The following ASL variants were observed in gnomAD, a reference collection of about 807,000 sequenced individuals.
ASL encodes the protein argininosuccinate lyase, also known as argininosuccinase.
Under a neutral mutation model 69.1 loss-of-function variants are expected in ASL, and 51 were observed. That is an observed-to-expected ratio of 0.74 (90% CI 0.59 to 0.93). The LOEUF (loss-of-function observed/expected upper bound fraction) is 0.93. Among genes scored for constraint, ASL ranks in the 40% least tolerant of loss-of-function variants. The probability of loss-of-function intolerance (pLI) is 0.00; values close to 1 mark genes in which losing one functional copy is unlikely to be tolerated. For synonymous variants in ASL, 241 were observed against 247.6 expected (o/e 0.97, Z 0.25); for missense variants, 540 against 623.9 (o/e 0.87, Z 1.43).
Position 66,083,064 on chromosome 7 carries a change from C to A in ASL, c.349-13C>A, listed in dbSNP as rs754595553. On this transcript the variant is annotated splice_polypyrimidine_tract_variant and intron_variant, in intron 5 of 16. Coordinates refer to ENST00000304874, the MANE Select transcript of ASL (RefSeq NM_000048.4). ...ACATCGGCCTCCCTGAGCACCATCT[C>A]CTCCTTGCACAGGTGGTCACAGACC... 6 of 1,613,794 alleles carry A rather than the reference C, an allele frequency of 3.7e-6. No homozygotes were observed. The South Asian group carries it at 5.5e-5, about 15-fold the overall frequency.
chr7:66,084,449 A>G (rs1385283679), intron 6 of ASL, among the ~76,000 whole-genome samples: 2 of 151,990 alleles, frequency 1.3e-5, no homozygotes, highest in East Asian at 3.9e-4. Flanking sequence ...CCCATAAGCC[A>G]CTGCGCTCAG....
Position 66,087,394 on chromosome 7 carries a change from G to A in ASL, c.655+8G>A, listed in dbSNP as rs200203985. The stretch of plus-strand genomic sequence containing the variant: ...GAGAGCTGCTCCGAGCAGGTGAGAC[G>A]TCCTGCCCCTCCTCCCCAGGGAGAA... On this transcript the variant is annotated splice_region_variant and intron_variant, in intron 9 of 16. Transcript: ENST00000304874. The A allele has an allele frequency of 6.8e-5, 110 of 1,606,946 alleles. No homozygotes were observed. In the African/African-American group the frequency reaches 7.3e-4, roughly 11 times the overall value.
chr7:66,091,996 G>A lies in ASL; in HGVS notation c.1063-10G>A. ...CCCAGGGCTCACCACTCGCCCACCT[G>A]TGCCCCCAGATTCACCAAGAGAACA... On this transcript the variant is annotated splice_polypyrimidine_tract_variant and intron_variant, in intron 14 of 16. Transcript: ENST00000304874. The A allele has an allele frequency of 6.2e-7, 1 of 1,613,318 alleles. No homozygotes were observed. Among genetic ancestry groups the A allele is most frequent in the African/African-American group, 1.3e-5 (1 of 75,048 alleles).
At chr7:66,082,279 C>T (rs1284955827) in intron 3 of ASL, 89 bp from the exon 4 acceptor site, 2 of 1,365,268 alleles carry the variant, frequency 1.5e-6, no homozygotes, top group Admixed American at 3.9e-5. Flanking sequence ...GACAGTCAGT[C>T]ACCAGGGATA....
intron 6 of ASL, among the ~76,000 whole-genome samples, chr7:66,084,644 G>C (rs1308976958): frequency 6.6e-6 from 1 of 151,914 alleles, no homozygotes; most frequent in African/African-American, 2.4e-5. Flanking sequence ...CTGTGAGACA[G>C]AGTCTTGCTC....
chr7:66,087,623 G>T lies in ASL; in HGVS notation c.656-106G>T, dbSNP rs1786708029. On this transcript the variant is annotated intron_variant, in intron 9 of 16. Transcript: ENST00000304874. Reference sequence around the variant, plus strand: ...ACTGTGCAAAAGATCCCTCCCCCCAGCTGTTGCCCCACCCTGATCAGGGGA... The same window carrying T: ...ACTGTGCAAAAGATCCCTCCCCCCATCTGTTGCCCCACCCTGATCAGGGGA... 2.5e-6 allele frequency: 3 copies of T among 1,195,848 alleles called. No homozygotes were observed. The African/African-American group carries it at 4.5e-5, about 18-fold the overall frequency. 74.1% of individuals were successfully genotyped at this position (1,195,848 alleles called of 1,614,324 possible). A position where few individuals can be genotyped will look rare whatever the true frequency, so the allele number is the denominator to read the frequency against.
In ASL at chr7:66,092,834, C is replaced by T. The variant is rs755170923; in HGVS notation, c.1317C>T (p.Ala439=). Reference sequence around the variant, plus strand: ...GGCACAGTGTGGAGCAGTATGGTGCCCTGGGCGGCACTGCGCGCTCCAGCG... The same window carrying T: ...GGCACAGTGTGGAGCAGTATGGTGCTCTGGGCGGCACTGCGCGCTCCAGCG... The part of the protein sequence containing the change: ...DYGHSVEQYG[A]LGGTARSSVD... Residue 439 remains alanine, a synonymous_variant, in exon 17 of 17, where the codon GCC becomes GCT. Coordinates refer to ENST00000304874, the MANE Select transcript of ASL (RefSeq NM_000048.4). The T allele has an allele frequency of 1.2e-6, 2 of 1,613,682 alleles. No homozygotes were observed. Among genetic ancestry groups the T allele is most frequent in the Non-Finnish European group, 1.7e-6 (2 of 1,179,998 alleles).
chr7:66,089,371 A>G, intron 13 of ASL, 36 bp downstream of exon 13: 1 of 1,573,676 alleles, frequency 6.4e-7, no homozygotes, highest in Non-Finnish European at 8.6e-7. Context: ...AGTACGTGCC[A>G]GTTCTCAGGG....
At chr7:66,075,985 G>T in intron 1 of ASL, 54 bp from the exon 2 acceptor site, 1 of 1,523,622 alleles carries the variant, frequency 6.6e-7, no homozygotes, top group South Asian at 1.2e-5. Context: ...GAGCCAGCCC[G>T]GCCCGGGGGA....
intron 13 of ASL, 103 bp from the exon 14 acceptor site, chr7:66,089,509 C>T: frequency 2.7e-6 from 4 of 1,470,120 alleles, no homozygotes; most frequent in Non-Finnish European, 3.8e-6. Context: ...GAGTGTTCTT[C>T]CCATGGAAGG....
At position 66,089,347 on chromosome 7, in the gene ASL, G is replaced by A. The variant is rs1391136551; in HGVS notation, c.978+12G>A. 1.9e-6 allele frequency: 3 copies of A among 1,596,162 alleles called. No individual in the cohort carries two copies. The East Asian group carries it at 6.8e-5, about 36-fold the overall frequency. ...ACAAAGACTTACAGGTGCGAGGCCG[G>A]GGGAGGCCTGGCTAGTACGTGCCAG... is the stretch of plus-strand genomic sequence containing the variant. On this transcript the variant is annotated intron_variant, in intron 13 of 16. Transcript: ENST00000304874.
chr7:66,077,745 C>G (rs977500071), intron 2 of ASL, among the ~76,000 whole-genome samples: 2 of 152,016 alleles, frequency 1.3e-5, no homozygotes, highest in Non-Finnish European at 2.9e-5. Flanking sequence ...AGAAAAAAAA[C>G]CCACAAGTCC....
intron 10 of ASL, among the ~76,000 whole-genome samples, chr7:66,088,576 G>A (rs186155633): frequency 6.6e-6 from 1 of 152,230 alleles, no homozygotes; most frequent in African/African-American, 2.4e-5. Context: ...CAAAAAACAC[G>A]CTAGGTGCAA....
Position 66,076,072 on chromosome 7 carries a change from A to C in ASL, c.-10A>C. 1 of 1,599,984 alleles carries C rather than the reference A, an allele frequency of 6.3e-7. No homozygotes were observed. The highest frequency in any genetic ancestry group is 1.1e-5 in the South Asian group (1 of 88,424). ...GACCGAAGCTTCCGGACGACGAGGA[A>C]CCGCCCAACATGGCCTCGGAGGTGA... is the stretch of plus-strand genomic sequence containing the variant. On this transcript the variant is annotated 5_prime_UTR_variant, in exon 2 of 17. Coordinates refer to ENST00000304874, the MANE Select transcript of ASL (RefSeq NM_000048.4).
In ASL at chr7:66,089,084, T is replaced by C. The variant is rs1786760353; in HGVS notation, c.834-7T>C. On this transcript the variant is annotated splice_polypyrimidine_tract_variant and splice_region_variant and intron_variant, in intron 11 of 16. Transcript: ENST00000304874. ...AGCCCCTTCAGCGCCAGCACCTCTG[T>C]CCCCAGCACGGGAAGCAGCCTGATG... The C allele has an allele frequency of 8.7e-6, 14 of 1,613,572 alleles. No individual in the cohort carries two copies. The highest frequency in any genetic ancestry group is 1.1e-5 in the Non-Finnish European group (13 of 1,179,912).
chr7:66,083,423 G>A lies in ASL; in HGVS notation c.446+249G>A, dbSNP rs112269648. ...CGTGGGGCTGGGTGCGGTGGCTCAC[G>A]CCTGTAATCTCAGCACTTTGGGAGG... On this transcript the variant is annotated intron_variant, in intron 6 of 16. Coordinates refer to ENST00000304874, the MANE Select transcript of ASL (RefSeq NM_000048.4). 1.4e-4 allele frequency: 57 copies of A among 419,150 alleles called. 4 individuals are homozygous for A. The highest frequency in any genetic ancestry group is 1.0e-3 in the African/African-American group (51 of 49,094). The allele number at this position is 419,150 out of a possible 1,614,324, so 26.0% of individuals were successfully genotyped here.
rs578174223 is a variant in ASL, at chr7:66,088,795, C to T, written c.719-12C>T. ...TGGGAGAGGCCTGGTGACTGGGAAC[C>T]TTTTCTCCCAGCCGAGTTCCTGTTC... On this transcript the variant is annotated splice_polypyrimidine_tract_variant and intron_variant, in intron 10 of 16. Transcript: ENST00000304874. The T allele has an allele frequency of 2.5e-6, 4 of 1,608,798 alleles. No homozygotes were observed. The highest frequency in any genetic ancestry group is 2.5e-6 in the Non-Finnish European group (3 of 1,176,746).
intron 14 of ASL, among the ~76,000 whole-genome samples, chr7:66,090,817 GCTGGGTGCAGAGCCTCATGC>G (rs1198244740): frequency 6.6e-6 from 1 of 151,996 alleles, no homozygotes; most frequent in Non-Finnish European, 1.5e-5. Context: ...GTGTTTCTTG[GCTGGGTGCAGAGCCTCATGC>G]CTGTAATCCC....
chr7:66,077,285 C>T (rs1346292028), intron 2 of ASL, among the ~76,000 whole-genome samples: 3 of 152,078 alleles, frequency 2.0e-5, no homozygotes, highest in African/African-American at 7.2e-5. Context: ...TTGAAAATTA[C>T]CCAGGTGTGG....
Sources: allele counts gnomAD v4.1 joint callset (sites outside exome capture counted in the v4.1 genomes callset), GRCh38; gene constraint gnomAD v4.1.1; transcripts MANE v1.5; gene names NCBI Gene and HGNC (gene_info 2026-07-23, HGNC 2026-07-21).